CECR2: variants seen among roughly 807,000 people sequenced by gnomAD.
CECR2 encodes chromatin remodeling regulator CECR2.
Under a neutral mutation model 154.5 loss-of-function variants are expected in CECR2, and 30 were observed. The ratio of observed to expected loss-of-function variants is 0.19; its 90% CI spans 0.15 to 0.26. CECR2 has a LOEUF of 0.26. CECR2 is among the 10% of genes least tolerant of loss of function. CECR2 has a pLI of 1.00. For missense variants in CECR2, 1,743 were observed against 1,829.3 expected (o/e 0.95, Z 0.86); for synonymous variants, 725 against 683.7 (o/e 1.06, Z -0.94).
chr22:17,496,209 A>T (rs2055624511), intron 2 of CECR2, among the ~76,000 whole-genome samples: 1 of 152,148 alleles, frequency 6.6e-6, no homozygotes, highest in Non-Finnish European at 1.5e-5. Flanking sequence ...CTGAAAAATC[A>T]AAGAAAGGAC....
intron 6 of CECR2, among the ~76,000 whole-genome samples, 185 bp from the exon 7 acceptor site, chr22:17,504,662 C>T (rs1239649549): frequency 2.0e-5 from 3 of 149,962 alleles, no homozygotes; most frequent in Non-Finnish European, 4.4e-5. Context: ...AGGATGGTCT[C>T]GATCTCCTGA....
intron 2 of CECR2, among the ~76,000 whole-genome samples, chr22:17,491,332 GTC>G (rs1232591610): frequency 1.3e-5 from 2 of 152,208 alleles, no homozygotes; most frequent in Middle Eastern, 3.4e-3. Context: ...AGGATTCCGT[GTC>G]TCTGCATCCT....
intron 1 of CECR2, among the ~76,000 whole-genome samples, chr22:17,410,968 T>A (rs1292557683): frequency 6.6e-6 from 1 of 152,220 alleles, no homozygotes; most frequent in Admixed American, 6.5e-5. Context: ...CAAGGTCATA[T>A]AATAGGTAGT....
At chr22:17,547,764 C>T (rs1053025565) in intron 16 of CECR2, among the ~76,000 whole-genome samples, 2 of 152,164 alleles carry the variant, frequency 1.3e-5, no homozygotes, top group African/African-American at 4.8e-5. Context: ...CATTTTAGAG[C>T]TTCCCAGCAT....
Position 17,504,888 on chromosome 22 carries a change from C to G in CECR2, c.742C>G (p.Gln248Glu). The change falls in exon 7 of 19, where the codon CAG becomes GAG. Residue 248 changes from glutamine (Q) to glutamate (E), a missense_variant. Physicochemically the swap from Gln to Glu is conservative, Grantham distance 29. Around this residue, in one of 4 missense-constraint regions of CECR2, gnomAD observed 292 missense variants for 301.2 expected, o/e 0.97. Transcript: ENST00000262608. ...PGQGTWWLLCQTEEEWRQVTE... is the reference protein window; with the variant it reads ...PGQGTWWLLCETEEEWRQVTE... ...CCAAGGTACTTGGTGGCTCCTGTGCCAGACAGAAGAGGAATGGAGACAGGT... is the reference window on the plus strand; with the variant it reads ...CCAAGGTACTTGGTGGCTCCTGTGCGAGACAGAAGAGGAATGGAGACAGGT... The G allele has an allele frequency of 1.2e-6, 2 of 1,613,904 alleles. No individual in the cohort carries two copies. The highest frequency in any genetic ancestry group is 2.2e-5 in the South Asian group (2 of 91,070).
At chr22:17,447,033 C>CTGTTTTTTGTT (rs1339121774) in intron 1 of CECR2, among the ~76,000 whole-genome samples, 2 of 114,110 alleles carry the variant, frequency 1.8e-5, no homozygotes, top group Middle Eastern at 4.7e-3. Context: ...CGTTTACAAT[C>CTGTTTTTTGTT]TTTTTTTTTT....
rs534947435 is a variant in CECR2 at position 17,446,281 on chromosome 22, C to T, written c.127-31307C>T. Among the ~76,000 whole-genome samples, 6 of 152,244 alleles carry T rather than the reference C, an allele frequency of 3.9e-5. No individual in the cohort carries two copies. In the South Asian group the frequency reaches 1.2e-3, roughly 32 times the overall value. On this transcript the variant is annotated intron_variant, in intron 1 of 18. Coordinates refer to ENST00000262608, the MANE Select transcript of CECR2 (RefSeq NM_001290047.2). ...GTCCCAGCTGTTCAGGAGGCTGGGGCAGGAGGATTGAGTGAGCCTAGGAGC... is the reference window on the plus strand; with the variant it reads ...GTCCCAGCTGTTCAGGAGGCTGGGGTAGGAGGATTGAGTGAGCCTAGGAGC...
At chr22:17,446,573 C>T (rs367740992) in intron 1 of CECR2, among the ~76,000 whole-genome samples, 3 of 151,364 alleles carry the variant, frequency 2.0e-5, no homozygotes, top group Admixed American at 6.6e-5. Context: ...AAAAATTAGC[C>T]GGGTGTGGTG....
At chr22:17,385,979 G>A (rs527540567) in intron 1 of CECR2, among the ~76,000 whole-genome samples, 3 of 152,326 alleles carry the variant, frequency 2.0e-5, no homozygotes, top group Non-Finnish European at 4.4e-5. Context: ...GCGAATGATG[G>A]AATAACAGTG....
At chr22:17,468,329 C>T (rs4819591) in intron 1 of CECR2, among the ~76,000 whole-genome samples, 16,252 of 152,130 alleles carry the variant, frequency 0.11, 1,110 homozygotes, top group East Asian at 0.34. Flanking sequence ...GTGTCTTGCT[C>T]TGTTGTGATT....
At chr22:17,491,264 C>A (rs1213268433) in intron 2 of CECR2, among the ~76,000 whole-genome samples, 1 of 152,076 alleles carries the variant, frequency 6.6e-6, no homozygotes, top group Non-Finnish European at 1.5e-5. Flanking sequence ...TAGTTCAGTG[C>A]AACTTGGCGA....
intron 1 of CECR2, among the ~76,000 whole-genome samples, chr22:17,453,179 C>T (rs140868300): frequency 7.2e-5 from 11 of 152,300 alleles, no homozygotes; most frequent in East Asian, 5.8e-4. Context: ...CAGTGACTTA[C>T]GCCCGTAGTC....
chr22:17,538,666 G>A lies in CECR2; in HGVS notation c.1303G>A (p.Asp435Asn). The change falls in exon 12 of 19, where the codon GAT (aspartate) becomes AAT (asparagine). Residue 435 changes from aspartate to asparagine, a missense_variant. Physicochemically the swap from Asp to Asn is conservative, Grantham distance 23. Around this residue, in one of 4 missense-constraint regions of CECR2, gnomAD observed 103 missense variants for 166.8 expected, o/e 0.62. Coordinates refer to ENST00000262608, the MANE Select transcript of CECR2 (RefSeq NM_001290047.2). ...TCTAGACGTGGTAAAGGCTCACAAGGATTCCTGGCCCTTCTTGGAACCTGT... is the reference window on the plus strand; with the variant it reads ...TCTAGACGTGGTAAAGGCTCACAAGAATTCCTGGCCCTTCTTGGAACCTGT... ...KVLDVVKAHK[D>N]SWPFLEPVDE... 1 of 1,613,982 alleles carries A rather than the reference G, an allele frequency of 6.2e-7. No homozygotes were observed.
intron 16 of CECR2, among the ~76,000 whole-genome samples, chr22:17,544,465 T>G (rs1313853896): frequency 7.8e-6 from 1 of 128,436 alleles, no homozygotes; most frequent in Admixed American, 9.5e-5. Context: ...GCCACTGCAC[T>G]CCGGCCTGGG....
At chr22:17,533,386 G>A (rs917125778) in intron 9 of CECR2, among the ~76,000 whole-genome samples, 18 of 149,688 alleles carry the variant, frequency 1.2e-4, no homozygotes, top group African/African-American at 3.9e-4. Flanking sequence ...TCCCAGCACC[G>A]TGGGAGGCCG....
intron 1 of CECR2, among the ~76,000 whole-genome samples, chr22:17,410,252 T>C (rs1368742132): frequency 6.6e-6 from 1 of 152,090 alleles, no homozygotes; most frequent in Non-Finnish European, 1.5e-5. Context: ...GTGCTGGGAT[T>C]ACAGACGTGA....
chr22:17,514,991 C>G lies in CECR2; in HGVS notation c.954+3095C>G, dbSNP rs7364137. 4.3e-3 allele frequency among the ~76,000 whole-genome samples: 644 copies of G among 150,894 alleles called. 6 individuals are homozygous for G. The highest frequency in any genetic ancestry group is 0.014 in the African/African-American group (586 of 41,042). On this transcript the variant is annotated intron_variant, in intron 8 of 18. Transcript: ENST00000262608. ...TGAGCCAAGATCGCACCACTGCACT[C>G]CAGCCTGGGCGACAGAGCAAGACTC...
At chr22:17,394,933 A>G (rs1371363127) in intron 1 of CECR2, among the ~76,000 whole-genome samples, 1 of 152,106 alleles carries the variant, frequency 6.6e-6, no homozygotes, top group Admixed American at 6.5e-5. Flanking sequence ...TTCATTGAAA[A>G]TTGTTTTTTA....
chr22:17,450,493 A>T (rs1486976639), intron 1 of CECR2, among the ~76,000 whole-genome samples: 2 of 152,074 alleles, frequency 1.3e-5, no homozygotes, highest in African/African-American at 4.8e-5. Flanking sequence ...CTGGTTTCAA[A>T]TTCCTGACCT....
Sources: allele counts gnomAD v4.1 joint callset (sites outside exome capture counted in the v4.1 genomes callset), GRCh38; gene constraint gnomAD v4.1.1; regional missense constraint gnomAD v4.1.1; transcripts MANE v1.5; gene names NCBI Gene and HGNC (gene_info 2026-07-23, HGNC 2026-07-21).